The following IRAK3 variants were observed in gnomAD, a reference collection of about 807,000 sequenced individuals.
IRAK3 encodes the protein interleukin 1 receptor associated kinase 3.
A neutral mutation model predicts 56.6 loss-of-function variants in IRAK3; 57 were observed. The observed-to-expected ratio is 1.01, with a 90% confidence interval of 0.81 to 1.26. IRAK3 has a LOEUF of 1.26. Among genes scored for constraint, IRAK3 ranks in the 50% most tolerant of loss-of-function variants. The probability of loss-of-function intolerance (pLI) is 0.00; values close to 1 mark genes in which losing one functional copy is unlikely to be tolerated. For synonymous variants in IRAK3, 258 were observed against 255.7 expected, an observed-to-expected ratio of 1.01 and a Z score of -0.09; for missense variants, 703 against 719.0, an observed-to-expected ratio of 0.98 and a Z score of 0.25.
rs760494398 is a variant in IRAK3, at chr12:66,241,111, A to G, written c.888-3375A>G. Among the ~76,000 whole-genome samples, 11 of 152,140 alleles carry G rather than the reference A, an allele frequency of 7.2e-5. No homozygotes were observed. The South Asian group carries it at 2.3e-3, about 32-fold the overall frequency. On this transcript the variant is annotated intron_variant, in intron 8 of 11. Transcript: ENST00000261233. ...AAAATTGTCCTAGAGACCCCTACTA[A>G]TAGAGAGATTAAGTAACATCCTAGA...
At chr12:66,196,736 A>C (rs780940167) in intron 1 of IRAK3, 5 of 736,396 alleles carry the variant, frequency 6.8e-6, no homozygotes, top group African/African-American at 1.8e-5. Context: ...GGTATGAAGA[A>C]TAGATCTAAC....
At chr12:66,242,660 G>A (rs1409715768) in intron 8 of IRAK3, among the ~76,000 whole-genome samples, 1 of 152,176 alleles carries the variant, frequency 6.6e-6, no homozygotes, top group African/African-American at 2.4e-5. Context: ...AATGCTAAGA[G>A]CACACAGCTG....
rs2053133335 is a variant in IRAK3, at chr12:66,254,365, T to C, written c.*6194T>C. On this transcript the variant is annotated 3_prime_UTR_variant, in exon 12 of 12. Coordinates refer to ENST00000261233, the MANE Select transcript of IRAK3 (RefSeq NM_007199.3). ...TTAGATATATGTTTATTGCTATGGA[T>C]ATATGTTCCCAAAATATTATTGAAT... 6.6e-6 allele frequency: 1 copy of C among 152,202 alleles called. No homozygotes were observed. Among genetic ancestry groups the C allele is most frequent in the Non-Finnish European group, 1.5e-5 (1 of 68,024 alleles). The allele number at this position is 152,202 out of a possible 1,614,324, so 9.4% of individuals were successfully genotyped here. A position where few individuals can be genotyped will look rare whatever the true frequency, so the allele number is the denominator to read the frequency against.
intron 4 of IRAK3, among the ~76,000 whole-genome samples, chr12:66,210,633 C>A (rs1023337882): frequency 1.3e-5 from 2 of 152,132 alleles, no homozygotes; most frequent in Non-Finnish European, 2.9e-5. Context: ...AACTTTCCTA[C>A]TTTATTAGTA....
Position 66,244,592 on chromosome 12 carries a change from A to G in IRAK3, c.994A>G (p.Ser332Gly). 1 of 1,613,442 alleles carries G rather than the reference A, an allele frequency of 6.2e-7. No individual in the cohort carries two copies. Among genetic ancestry groups the G allele is most frequent in the Non-Finnish European group, 8.5e-7 (1 of 1,179,390 alleles). The change falls in exon 9 of 12, where the codon AGC becomes GGC. Residue 332 changes from serine (S) to glycine (G), a missense_variant. By Grantham distance (56) the Ser-to-Gly change is moderately conservative. Coordinates refer to ENST00000261233, the MANE Select transcript of IRAK3 (RefSeq NM_007199.3). Reference protein sequence around the residue: ...EHQSCTINMTSSSSKHLWYMP... With the variant: ...EHQSCTINMTGSSSKHLWYMP... ...TCAGAGTTGTACCATAAATATGACC[A>G]GCAGCAGCAGTAAACATCTGTGGTA...
intron 8 of IRAK3, among the ~76,000 whole-genome samples, chr12:66,228,988 G>A (rs1013305183): frequency 1.3e-5 from 2 of 152,202 alleles, no homozygotes; most frequent in African/African-American, 4.8e-5. Flanking sequence ...AGAAGCATCT[G>A]TATTTTAGTA....
intron 8 of IRAK3, chr12:66,235,166 C>A: frequency 6.3e-7 from 1 of 1,594,978 alleles, no homozygotes. Flanking sequence ...GTTATTACTG[C>A]TGGTGGTGCT....
chr12:66,211,740 A>C lies in IRAK3; in HGVS notation c.588+143A>C, dbSNP rs1476870676. On this transcript the variant is annotated intron_variant, in intron 5 of 11. Transcript: ENST00000261233. ...GTGGAAATAAGAGATATGATTTCAG[A>C]TGACTGGAGAAGTAAAGACCTGTCT... The C allele has an allele frequency of 7.1e-6, 5 of 704,464 alleles. No homozygotes were observed. The Admixed American group carries it at 1.2e-4, about 17-fold the overall frequency. The allele number at this position is 704,464 out of a possible 1,614,324, so 43.6% of individuals were successfully genotyped here.
intron 4 of IRAK3, 21 bp from the exon 5 acceptor site, chr12:66,211,425 C>T (rs752211995): frequency 3.9e-6 from 6 of 1,551,044 alleles, no homozygotes; most frequent in South Asian, 3.4e-5. Flanking sequence ...AACTTATCTT[C>T]CCCCTACTTT....
intron 1 of IRAK3, 92 bp downstream of exon 1, chr12:66,189,524 C>T (rs1188207327): frequency 1.1e-6 from 1 of 903,400 alleles, no homozygotes; most frequent in Non-Finnish European, 1.4e-6. Context: ...GGGTCCCTCG[C>T]GGGGCTGGCG....
chr12:66,217,140 T>G, intron 5 of IRAK3, 31 bp from the exon 6 acceptor site: 9 of 1,490,082 alleles, frequency 6.0e-6, no homozygotes, highest in Non-Finnish European at 8.4e-6. Flanking sequence ...ATCCTTTCCT[T>G]AATTTTGTTC....
intron 8 of IRAK3, among the ~76,000 whole-genome samples, chr12:66,229,581 C>T (rs948323087): frequency 4.6e-5 from 7 of 152,162 alleles, no homozygotes; most frequent in African/African-American, 1.4e-4. Context: ...GCGGGGTGAC[C>T]TACCCATAGA....
chr12:66,226,904 C>T (rs1592594015), intron 7 of IRAK3, 67 bp downstream of exon 7: 22 of 989,390 alleles, frequency 2.2e-5, no homozygotes, highest in Admixed American at 7.0e-5. Flanking sequence ...CTGCTGAAAC[C>T]GTCTGGGAGA....
At chr12:66,238,675 TGA>T (rs1162140458) in intron 8 of IRAK3, among the ~76,000 whole-genome samples, 1 of 152,024 alleles carries the variant, frequency 6.6e-6, no homozygotes. Context: ...TGGAAAGCGG[TGA>T]GAGTAGATAG....
chr12:66,239,390 C>A (rs1490596988), intron 8 of IRAK3, among the ~76,000 whole-genome samples: 1 of 149,916 alleles, frequency 6.7e-6, no homozygotes, highest in African/African-American at 2.5e-5. Context: ...ACTAGAAAAA[C>A]TGAGTGGTTG....
Position 66,226,778 on chromosome 12 carries a change from TTCTG to T in IRAK3, c.714_717del (p.Cys238Ter). 1 of 1,611,596 alleles carries T rather than the reference TTCTG, an allele frequency of 6.2e-7. No individual in the cohort carries two copies. The highest frequency in any genetic ancestry group is 8.5e-7 in the Non-Finnish European group (1 of 1,177,666). ...TGCATATTTTACAGAGACTGAGAAG[TTCTG>T]TCTGATTTATCCATACATGAGAAAT... On this transcript the variant is annotated frameshift_variant, in exon 7 of 12. Transcript: ENST00000261233. LOFTEE classifies it high-confidence loss of function.
chr12:66,200,402 G>T (rs1340376904), intron 1 of IRAK3, among the ~76,000 whole-genome samples: 1 of 152,164 alleles, frequency 6.6e-6, no homozygotes, highest in African/African-American at 2.4e-5. Flanking sequence ...AACTTGTAGT[G>T]AATTGTGCCC....
chr12:66,197,298 G>A, intron 1 of IRAK3: 3 of 1,078,670 alleles, frequency 2.8e-6, no homozygotes, highest in Non-Finnish European at 3.4e-6. Flanking sequence ...TATTTGATAT[G>A]TACTGCGAGT....
In IRAK3 at chr12:66,203,736, G is replaced by C. The variant is rs762426152; in HGVS notation, c.159G>C (p.Leu53=). 1.9e-6 allele frequency: 3 copies of C among 1,614,082 alleles called. No individual in the cohort carries two copies. In the East Asian group the frequency reaches 6.7e-5, roughly 36 times the overall value. The change falls in exon 2 of 12, where the codon CTG becomes CTC. Residue 53 remains leucine, a synonymous_variant. Transcript: ENST00000261233. ...GLAERLSSSW[L]DVRHIEKYVD... ...CAGAGAGACTTTCAAGCAGCTGGCTGGATGTTCGTCATATTGAAAAGTATG... is the reference window on the plus strand; with the variant it reads ...CAGAGAGACTTTCAAGCAGCTGGCTCGATGTTCGTCATATTGAAAAGTATG...
Sources: allele counts gnomAD v4.1 joint callset (sites outside exome capture counted in the v4.1 genomes callset), GRCh38; gene constraint gnomAD v4.1.1; transcripts MANE v1.5; gene names NCBI Gene and HGNC (gene_info 2026-07-23, HGNC 2026-07-21).